The following E2F5 variants were observed in gnomAD, a reference collection of about 807,000 sequenced individuals.
E2F5 encodes transcription factor E2F5.
In E2F5, 23 loss-of-function variants were observed where a neutral mutation model predicts 39.1. The ratio of observed to expected loss-of-function variants is 0.59; its 90% CI spans 0.42 to 0.83. The LOEUF is 0.83. Among genes scored for constraint, E2F5 ranks in the 40% least tolerant of loss-of-function variants. E2F5 has a pLI of 0.00. For synonymous variants in E2F5, 145 were observed against 157.8 expected (o/e 0.92, Z 0.61); for missense variants, 365 against 406.7 (o/e 0.90, Z 0.88).
At chr8:85,206,072 T>C (rs1812796983) in intron 3 of E2F5, 105 bp from the exon 4 acceptor site, 4 of 1,060,676 alleles carry the variant, frequency 3.8e-6, no homozygotes, top group Non-Finnish European at 5.7e-6. Context: ...TGGCAGTCCC[T>C]CTGTGCATAT....
intron 1 of E2F5, among the ~76,000 whole-genome samples, chr8:85,197,948 C>T (rs1162533106): frequency 1.3e-5 from 2 of 152,132 alleles, no homozygotes; most frequent in Non-Finnish European, 2.9e-5. Context: ...GTCCAGCGTT[C>T]CTTCCATGCT....
intron 6 of E2F5, among the ~76,000 whole-genome samples, chr8:85,210,675 T>TA (rs78651124): frequency 0.064 from 8,403 of 131,504 alleles, 263 homozygotes; most frequent in Non-Finnish European, 0.072. Flanking sequence ...GACTCCATCT[T>TA]AAAAAAAAAA....
intron 1 of E2F5, among the ~76,000 whole-genome samples, chr8:85,181,487 C>T (rs111927160): frequency 0.086 from 12,874 of 149,490 alleles, 795 homozygotes; most frequent in Middle Eastern, 0.15. Flanking sequence ...CCCGCCACCA[C>T]GCCCGGCTAG....
At chr8:85,196,975 A>T (rs1318257984) in intron 1 of E2F5, among the ~76,000 whole-genome samples, 1 of 152,230 alleles carries the variant, frequency 6.6e-6, no homozygotes, top group East Asian at 1.9e-4. Context: ...AAGTTCTTTC[A>T]GTTTTTATTT....
At chr8:85,205,563 G>A (rs532419470) in intron 3 of E2F5, among the ~76,000 whole-genome samples, 13 of 152,074 alleles carry the variant, frequency 8.5e-5, no homozygotes, top group African/African-American at 1.9e-4. Context: ...GCTGGGTGGC[G>A]TGAGCCACCA....
chr8:85,200,184 T>A (rs1253310214), intron 1 of E2F5: 10 of 330,504 alleles, frequency 3.0e-5, no homozygotes, highest in Non-Finnish European at 4.3e-5. Context: ...GTGGTGGAGG[T>A]TGCAGTGAGC....
chr8:85,177,799 C>T, intron 1 of E2F5, 145 bp downstream of exon 1: 1 of 1,145,446 alleles, frequency 8.7e-7, no homozygotes, highest in Admixed American at 4.8e-5. Context: ...ACCATGTGGC[C>T]TGCGCCCGGG....
intron 1 of E2F5, among the ~76,000 whole-genome samples, chr8:85,182,126 T>A (rs1394794343): frequency 1.3e-5 from 2 of 152,300 alleles, no homozygotes; most frequent in East Asian, 3.9e-4. Context: ...TTTACAATAG[T>A]GGAGGTGGGA....
Position 85,204,587 on chromosome 8 carries a change from A to G in E2F5, c.506+1332A>G, listed in dbSNP as rs554896032. Among the ~76,000 whole-genome samples, 14 of 151,640 alleles carry G rather than the reference A, an allele frequency of 9.2e-5. No homozygotes were observed. The East Asian group carries it at 2.7e-3, about 30-fold the overall frequency. ...GGGAGAGCATTATGAGATATACCTA[A>G]TGCTAAATGACGAGTTATTGGGTGC... On this transcript the variant is annotated intron_variant, in intron 3 of 7. Transcript: ENST00000416274.
At chr8:85,213,258 T>C (rs908058903) in intron 7 of E2F5, 1 of 151,628 alleles carries the variant, frequency 6.6e-6, no homozygotes, top group Non-Finnish European at 1.5e-5. Context: ...AAAATTTAAT[T>C]TCTAGGCCGG....
intron 1 of E2F5, among the ~76,000 whole-genome samples, chr8:85,194,912 A>G (rs1587489853): frequency 6.6e-6 from 1 of 151,428 alleles, no homozygotes; most frequent in Admixed American, 6.6e-5. Context: ...TATGCCAGAC[A>G]CTCTTCTATT....
chr8:85,204,437 A>G (rs1812758864), intron 3 of E2F5, among the ~76,000 whole-genome samples: 1 of 150,424 alleles, frequency 6.6e-6, no homozygotes, highest in Non-Finnish European at 1.5e-5. Flanking sequence ...AAACTATCGC[A>G]AGGACAAAAA....
At chr8:85,181,009 C>T (rs575502514) in intron 1 of E2F5, among the ~76,000 whole-genome samples, 1 of 152,072 alleles carries the variant, frequency 6.6e-6, no homozygotes, top group East Asian at 1.9e-4. Context: ...TACCAAGTAG[C>T]TGGCACTACA....
intron 3 of E2F5, among the ~76,000 whole-genome samples, chr8:85,204,777 ACCT>A (rs1051842883): frequency 2.0e-5 from 3 of 151,990 alleles, no homozygotes; most frequent in African/African-American, 7.3e-5. Context: ...CAAGGTCCAG[ACCT>A]CCTCTCTCCA....
intron 1 of E2F5, among the ~76,000 whole-genome samples, chr8:85,200,649 C>G (rs1255082196): frequency 6.6e-6 from 1 of 152,172 alleles, no homozygotes; most frequent in African/African-American, 2.4e-5. Context: ...AGTTACTTCT[C>G]TAGAGAGAGG....
intron 5 of E2F5, among the ~76,000 whole-genome samples, chr8:85,207,767 A>G (rs1410216868): frequency 6.6e-6 from 1 of 152,154 alleles, no homozygotes; most frequent in Admixed American, 6.5e-5. Flanking sequence ...AGTAATCAGA[A>G]TGCTTTATCA....
intron 7 of E2F5, chr8:85,212,887 C>T (rs1207034632): frequency 8.0e-6 from 1 of 125,560 alleles, no homozygotes; most frequent in Non-Finnish European, 1.7e-5. Context: ...CATTAGTGTT[C>T]TGTTTTTTTT....
Position 85,177,654 on chromosome 8 carries a change from G to T in E2F5, c.234G>T (p.Ala78=). The change falls in exon 1 of 8, where the codon GCG becomes GCT. Residue 78 remains alanine, a splice_region_variant and synonymous_variant. Coordinates refer to ENST00000416274, the MANE Select transcript of E2F5 (RefSeq NM_001951.4). ...AGGACGGCGTTCTGGATCTCAAAGC[G>T]GTGAGCTCCGGAGGCGGGGACGGGG... ...EAKDGVLDLK[A]AADTLAVRQK... is the part of the protein sequence containing the mutation. The T allele has an allele frequency of 7.8e-7, 1 of 1,287,614 alleles. No homozygotes were observed. The highest frequency in any genetic ancestry group is 2.9e-5 in the East Asian group (1 of 34,966). The allele number at this position is 1,287,614 out of a possible 1,614,324, so 79.8% of individuals were successfully genotyped here. A position where few individuals can be genotyped will look rare whatever the true frequency, so the allele number is the denominator to read the frequency against.
intron 1 of E2F5, among the ~76,000 whole-genome samples, chr8:85,194,518 T>G (rs1426182076): frequency 6.6e-6 from 1 of 151,086 alleles, no homozygotes; most frequent in Non-Finnish European, 1.5e-5. Context: ...CTTTGTTGTT[T>G]TTTTGTTTGT....
Sources: gnomAD v4.1 joint callset for allele counts (sites outside exome capture counted in the v4.1 genomes callset) on GRCh38, gnomAD v4.1.1 for gene constraint, MANE v1.5 for transcripts, NCBI Gene and HGNC (gene_info 2026-07-23, HGNC 2026-07-21) for gene names.